Variants in MYO9A observed in about 807,000 individuals in gnomAD.
MYO9A encodes unconventional myosin-IXa.
A neutral mutation model predicts 293.3 loss-of-function variants in MYO9A; 103 were observed. The observed-to-expected ratio is 0.35, with a 90% confidence interval of 0.30 to 0.41. The LOEUF (loss-of-function observed/expected upper bound fraction) is 0.41, where lower values mean the gene tolerates loss of function less well. Among genes scored for constraint, MYO9A ranks in the 10% least tolerant of loss-of-function variants. The probability of loss-of-function intolerance (pLI) is 1.00; values close to 1 mark genes in which losing one functional copy is unlikely to be tolerated. For synonymous variants in MYO9A, 1,001 were observed against 1,035.7 expected, an observed-to-expected ratio of 0.97 and a Z score of 0.64; for missense variants, 2,685 against 3,033.0, an observed-to-expected ratio of 0.89 and a Z score of 2.69.
At chr15:71,983,466 A>ATTTTTTTTTTTTTTTTT (rs1217052840) in intron 11 of MYO9A, among the ~76,000 whole-genome samples, 6 of 84,514 alleles carry the variant, frequency 7.1e-5, no homozygotes, top group Non-Finnish European at 9.9e-5. Context: ...TATTTTTTTT[A>ATTTTTTTTTTTTTTTTT]TTTCTTTTTT....
chr15:71,966,306 GTA>G (rs745781909), intron 13 of MYO9A, among the ~76,000 whole-genome samples: 5 of 149,486 alleles, frequency 3.3e-5, no homozygotes, highest in Non-Finnish European at 4.5e-5. Flanking sequence ...GTGTGTGTGT[GTA>G]TGATTCTATT....
At chr15:71,906,809 G>A (rs888421237) in intron 19 of MYO9A, among the ~76,000 whole-genome samples, 2 of 120,608 alleles carry the variant, frequency 1.7e-5, no homozygotes, top group African/African-American at 3.3e-5. Flanking sequence ...TGTCACCCAG[G>A]CTGGAATGCA....
chr15:71,893,125 T>C, intron 26 of MYO9A: 1 of 1,290,012 alleles, frequency 7.8e-7, no homozygotes, highest in South Asian at 1.2e-5. Context: ...AGTCAAGAAA[T>C]CGGAGCGCGT....
In MYO9A at chr15:71,829,352, G is replaced by A. The variant is rs546223729; in HGVS notation, c.7040+757C>T. ...ACCAAACTCAAGACCTGGGATCCTGGAACTCAGGAATAAAGATCCCATTAA... is the reference window on the plus strand; with the variant it reads ...ACCAAACTCAAGACCTGGGATCCTGAAACTCAGGAATAAAGATCCCATTAA... On this transcript the variant is annotated intron_variant, in intron 40 of 41. Transcript: ENST00000356056. Among the ~76,000 whole-genome samples the A allele has an allele frequency of 2.6e-5, 4 of 152,158 alleles. No individual in the cohort carries two copies. The South Asian group carries it at 6.2e-4, about 24-fold the overall frequency.
chr15:71,910,459 T>G (rs2144412222), intron 19 of MYO9A, among the ~76,000 whole-genome samples: 1 of 152,264 alleles, frequency 6.6e-6, no homozygotes, highest in South Asian at 2.1e-4. Flanking sequence ...TATACTACCA[T>G]TAAACTATCC....
At chr15:71,939,494 T>C (rs953381934) in intron 15 of MYO9A, among the ~76,000 whole-genome samples, 1 of 152,218 alleles carries the variant, frequency 6.6e-6, no homozygotes, top group Non-Finnish European at 1.5e-5. Context: ...CTAAGGACAA[T>C]AGCCTCCAGC....
intron 3 of MYO9A, among the ~76,000 whole-genome samples, chr15:72,030,390 T>G (rs2077824627): frequency 6.6e-6 from 1 of 152,192 alleles, no homozygotes; most frequent in Non-Finnish European, 1.5e-5. Flanking sequence ...CTTTTTCAAC[T>G]ACAGTAGCCC....
intron 1 of MYO9A, among the ~76,000 whole-genome samples, chr15:72,110,979 G>A (rs1326802604): frequency 6.6e-6 from 1 of 151,932 alleles, no homozygotes; most frequent in Non-Finnish European, 1.5e-5. Flanking sequence ...CTAACATGGT[G>A]AAGCCCTGTC....
At chr15:72,106,610 T>G (rs1039240481) in intron 1 of MYO9A, among the ~76,000 whole-genome samples, 1 of 151,342 alleles carries the variant, frequency 6.6e-6, no homozygotes, top group Admixed American at 6.6e-5. Context: ...TTTTTTTTAT[T>G]TTTTTTTTGA....
At chr15:72,011,177 GT>G (rs1050047392) in intron 6 of MYO9A, among the ~76,000 whole-genome samples, 38 of 151,652 alleles carry the variant, frequency 2.5e-4, no homozygotes, top group Middle Eastern at 6.8e-3. Context: ...TGACCGGTTA[GT>G]TTTTTGTATT....
intron 32 of MYO9A, among the ~76,000 whole-genome samples, chr15:71,872,446 T>A (rs953820583): frequency 2.6e-5 from 4 of 152,168 alleles, no homozygotes; most frequent in African/African-American, 4.8e-5. Flanking sequence ...TAAAAATTAC[T>A]TTATTCTGTA....
chr15:72,027,625 G>A (rs150643580), intron 4 of MYO9A, 106 bp downstream of exon 4: 290 of 840,324 alleles, frequency 3.5e-4, no homozygotes, highest in Non-Finnish European at 4.9e-4. Flanking sequence ...ATAAAGCTAT[G>A]CATGACGTAA....
chr15:71,977,323 G>A (rs1289377304), intron 12 of MYO9A, among the ~76,000 whole-genome samples: 3 of 152,048 alleles, frequency 2.0e-5, no homozygotes, highest in Admixed American at 2.0e-4. Flanking sequence ...TGCAACCTCT[G>A]CCTCCTGGGT....
chr15:71,880,315 ACGT>A lies in MYO9A; in HGVS notation c.5622+17_5622+19del. 1.2e-6 allele frequency: 2 copies of A among 1,607,608 alleles called. No individual in the cohort carries two copies. Among genetic ancestry groups the A allele is most frequent in the Non-Finnish European group, 1.7e-6 (2 of 1,174,190 alleles). The stretch of plus-strand genomic sequence containing the variant: ...ATACACAGAGCTGCTCCAGGGCCTG[ACGT>A]GGCAAATAAAGTGTACCTTTTTCAG... On this transcript the variant is annotated intron_variant, in intron 29 of 41. Coordinates refer to ENST00000356056, the MANE Select transcript of MYO9A (RefSeq NM_006901.4).
rs1475629432 is a variant in MYO9A, at chr15:71,904,909, T to G, written c.2766+17A>C. The G allele has an allele frequency of 1.3e-6, 2 of 1,582,534 alleles. No homozygotes were observed. The highest frequency in any genetic ancestry group is 1.3e-5 in the African/African-American group (1 of 74,446). On this transcript the variant is annotated intron_variant, in intron 20 of 41. Transcript: ENST00000356056. ...AGTAAGCTGAGATATGTGCTCTCAT[T>G]TATAGGACATTTTTACCTTTTCAGC...
At chr15:72,085,997 C>A (rs1184591769) in intron 1 of MYO9A, among the ~76,000 whole-genome samples, 2 of 152,160 alleles carry the variant, frequency 1.3e-5, no homozygotes, top group Non-Finnish European at 2.9e-5. Flanking sequence ...ATGTTAGGAA[C>A]CCACTGCACT....
chr15:71,999,878 C>G lies in MYO9A; in HGVS notation c.1443G>C (p.Lys481Asn). 6.2e-7 allele frequency: 1 copy of G among 1,612,086 alleles called. No homozygotes were observed. Among genetic ancestry groups the G allele is most frequent in the Non-Finnish European group, 8.5e-7 (1 of 1,179,220 alleles). The stretch of plus-strand genomic sequence containing the variant: ...CTGCCAACTTGTATGGCAAAATAAG[C>G]TTTTCTCCCACTGTCACCGTCTTCC... Reference protein sequence around the residue: ...VTRKTVTVGEKLILPYKLAEA... With the variant: ...VTRKTVTVGENLILPYKLAEA... The change falls in exon 9 of 42, where the codon AAG (lysine) becomes AAC (asparagine). Residue 481 changes from lysine (K) to asparagine (N), a missense_variant. Physicochemically the swap from Lys to Asn is moderately conservative, Grantham distance 94. Coordinates refer to ENST00000356056, the MANE Select transcript of MYO9A (RefSeq NM_006901.4).
At chr15:71,861,679 TAAAAAAAAAA>T (rs66598621) in intron 33 of MYO9A, among the ~76,000 whole-genome samples, 1 of 82,930 alleles carries the variant, frequency 1.2e-5, no homozygotes, top group Non-Finnish European at 2.6e-5. Flanking sequence ...ACTGATGATA[TAAAAAAAAAA>T]AAAAAAAAAA....
chr15:71,996,825 C>G (rs1012696680), intron 9 of MYO9A, among the ~76,000 whole-genome samples: 5 of 152,092 alleles, frequency 3.3e-5, no homozygotes, highest in African/African-American at 1.2e-4. Flanking sequence ...GACCAAAACC[C>G]AAGATAGCCC....
Sources: allele counts gnomAD v4.1 joint callset (sites outside exome capture counted in the v4.1 genomes callset), GRCh38; gene constraint gnomAD v4.1.1; transcripts MANE v1.5; gene names NCBI Gene and HGNC (gene_info 2026-07-23, HGNC 2026-07-21).